ADGRE1: variants seen among roughly 807,000 people sequenced by gnomAD.
ADGRE1 encodes the protein EGF-like module receptor 1.
ADGRE1 carries 82 observed loss-of-function variants against 102.7 expected under a neutral mutation model. The ratio of observed to expected loss-of-function variants is 0.80; its 90% CI spans 0.67 to 0.96. The LOEUF (loss-of-function observed/expected upper bound fraction) is 0.96. Among genes scored for constraint, ADGRE1 ranks in the 40% least tolerant of loss-of-function variants. The probability of loss-of-function intolerance (pLI) is 0.00; values close to 1 mark genes in which losing one functional copy is unlikely to be tolerated. For synonymous variants in ADGRE1, 398 were observed against 399.6 expected, an observed-to-expected ratio of 1.00 and a Z score of 0.05; for missense variants, 1,032 against 1,085.3, an observed-to-expected ratio of 0.95 and a Z score of 0.69.
At chr19:6,936,679 T>C (rs143947298) in intron 18 of ADGRE1, among the ~76,000 whole-genome samples, 1 of 151,322 alleles carries the variant, frequency 6.6e-6, no homozygotes, top group Non-Finnish European at 1.5e-5. Context: ...CTAGAGGGCA[T>C]TGGCACGGTC....
intron 1 of ADGRE1, among the ~76,000 whole-genome samples, chr19:6,888,556 C>T (rs1973229451): frequency 6.6e-6 from 1 of 152,130 alleles, no homozygotes; most frequent in African/African-American, 2.4e-5. Flanking sequence ...AAGAGTGGAT[C>T]TGAATACCCT....
intron 17 of ADGRE1, among the ~76,000 whole-genome samples, chr19:6,933,612 C>A (rs1193272899): frequency 6.6e-6 from 1 of 152,120 alleles, no homozygotes; most frequent in Non-Finnish European, 1.5e-5. Flanking sequence ...GTCTCGAACT[C>A]CTGACCTCAG....
rs147291205 is a variant in ADGRE1 at position 6,903,233 on chromosome 19, C to T, written c.662-577C>T. On this transcript the variant is annotated intron_variant, in intron 6 of 20. Coordinates refer to ENST00000312053, the MANE Select transcript of ADGRE1 (RefSeq NM_001974.5). ...TGCCATAGAAAGGGGCAGTAACTCC[C>T]CAATATTGCCATGGCAATGGTAAAC... Among the ~76,000 whole-genome samples the T allele has an allele frequency of 2.0e-3, 303 of 152,206 alleles. 8 individuals are homozygous for T. The highest frequency in any genetic ancestry group is 7.0e-3 in the African/African-American group (289 of 41,524).
chr19:6,937,796 T>A, intron 20 of ADGRE1, 148 bp downstream of exon 20: 1 of 615,112 alleles, frequency 1.6e-6, no homozygotes, highest in Admixed American at 2.8e-5. Context: ...AGTTGAAGAC[T>A]GGGGATTTAT....
chr19:6,918,365 C>T (rs1049608417), intron 12 of ADGRE1, among the ~76,000 whole-genome samples: 6 of 151,988 alleles, frequency 3.9e-5, no homozygotes, highest in African/African-American at 1.2e-4. Flanking sequence ...CGCTTGAACC[C>T]GGAAGGCAGA....
At chr19:6,896,628 A>T in intron 3 of ADGRE1, 87 bp downstream of exon 3, 1 of 1,444,012 alleles carries the variant, frequency 6.9e-7, no homozygotes, top group Non-Finnish European at 9.3e-7. Flanking sequence ...GTACTCCCCC[A>T]CCCCCCATTT....
rs747899509 is a variant in ADGRE1 at position 6,921,811 on chromosome 19, T to A, written c.1719T>A (p.Ser573=). The A allele has an allele frequency of 3.7e-6, 6 of 1,614,202 alleles. No individual in the cohort carries two copies. The highest frequency in any genetic ancestry group is 5.1e-6 in the Non-Finnish European group (6 of 1,180,028). ...TTGGCTGTGTGATCCTGGAAGCTTC[T>A]GAGACATATACCATCTGCAGCTGTA... ...TSFGCVILEA[S]ETYTICSCNQ... Residue 573 remains serine, a synonymous_variant, in exon 14 of 21, where the codon TCT becomes TCA. Coordinates refer to ENST00000312053, the MANE Select transcript of ADGRE1 (RefSeq NM_001974.5).
intron 12 of ADGRE1, among the ~76,000 whole-genome samples, chr19:6,916,866 TTATACTGAG>T (rs1974407853): frequency 6.6e-6 from 1 of 151,836 alleles, no homozygotes; most frequent in African/African-American, 2.4e-5. Context: ...AATATTTGGC[TTATACTGAG>T]TTAATATATT....
chr19:6,902,173 T>C, intron 6 of ADGRE1, 152 bp downstream of exon 6: 1 of 1,066,484 alleles, frequency 9.4e-7, no homozygotes, highest in Non-Finnish European at 1.4e-6. Context: ...AAATACCTCT[T>C]GAGCACTTAC....
chr19:6,905,700 A>G (rs558164569), intron 8 of ADGRE1, among the ~76,000 whole-genome samples: 17 of 152,236 alleles, frequency 1.1e-4, no homozygotes, highest in African/African-American at 4.1e-4. Flanking sequence ...TCCCCCCAAG[A>G]ATAATGGGGA....
intron 17 of ADGRE1, among the ~76,000 whole-genome samples, chr19:6,934,729 C>T (rs938089195): frequency 1.3e-5 from 2 of 151,274 alleles, no homozygotes; most frequent in East Asian, 1.9e-4. Context: ...TCCTGAGTAG[C>T]TGTGATTACA....
At chr19:6,888,870 T>TG (rs1264170211) in intron 1 of ADGRE1, among the ~76,000 whole-genome samples, 1 of 152,118 alleles carries the variant, frequency 6.6e-6, no homozygotes, top group African/African-American at 2.4e-5. Flanking sequence ...TATTTTGGGG[T>TG]GTTGGCAATG....
At chr19:6,928,727 G>A in intron 17 of ADGRE1, 1 of 158,626 alleles carries the variant, frequency 6.3e-6, no homozygotes, top group South Asian at 1.7e-4. Context: ...TTGAGGTCAG[G>A]AGTTCAAGAC....
At chr19:6,899,540 C>T (rs1973690449) in intron 5 of ADGRE1, among the ~76,000 whole-genome samples, 3 of 151,874 alleles carry the variant, frequency 2.0e-5, no homozygotes, top group Non-Finnish European at 2.9e-5. Context: ...ATTAGCCGGG[C>T]ATGGTGGCAG....
chr19:6,929,999 C>T (rs1047743003), intron 17 of ADGRE1, among the ~76,000 whole-genome samples: 2 of 152,182 alleles, frequency 1.3e-5, no homozygotes, highest in African/African-American at 4.8e-5. Context: ...CCTATTGGCA[C>T]AACTGCCAGC....
chr19:6,913,653 A>G lies in ADGRE1; in HGVS notation c.1123A>G (p.Asn375Asp), dbSNP rs765350916. Residue 375 changes from asparagine to aspartate, a missense_variant and splice_region_variant, in exon 11 of 21, where the codon AAT becomes GAT. By Grantham distance (23) the Asn-to-Asp change is conservative. Coordinates refer to ENST00000312053, the MANE Select transcript of ADGRE1 (RefSeq NM_001974.5). ...TGAACAAACACATCTTTCCTTGCAG[A>G]ATACAACTGAGAGCTTTGTCCCTGT... ...ENKTTVVSLK[N>D]TTESFVPVLK... The G allele has an allele frequency of 6.3e-7, 1 of 1,589,876 alleles. No homozygotes were observed. The highest frequency in any genetic ancestry group is 8.6e-7 in the Non-Finnish European group (1 of 1,166,336).
intron 6 of ADGRE1, among the ~76,000 whole-genome samples, chr19:6,902,876 A>G (rs958035363): frequency 6.6e-6 from 1 of 152,244 alleles, no homozygotes; most frequent in African/African-American, 2.4e-5. Flanking sequence ...AGCTGGGATT[A>G]CAGGTGTGTG....
chr19:6,888,623 C>T (rs778966108), intron 1 of ADGRE1, among the ~76,000 whole-genome samples: 55 of 152,304 alleles, frequency 3.6e-4, no homozygotes, highest in East Asian at 5.8e-4. Flanking sequence ...CTCAAGGCCA[C>T]GCAATCATTA....
intron 20 of ADGRE1, among the ~76,000 whole-genome samples, chr19:6,938,311 T>C (rs1478846191): frequency 6.6e-6 from 1 of 151,372 alleles, no homozygotes; most frequent in Non-Finnish European, 1.5e-5. Flanking sequence ...CACTCCAGCC[T>C]GGGCAAAAAG....
Sources: gnomAD v4.1 joint callset for allele counts (sites outside exome capture counted in the v4.1 genomes callset) on GRCh38, gnomAD v4.1.1 for gene constraint, MANE v1.5 for transcripts, NCBI Gene and HGNC (gene_info 2026-07-23, HGNC 2026-07-21) for gene names.